CCSER1: variants seen among roughly 807,000 people sequenced by gnomAD.
The protein encoded by CCSER1 is serine-rich coiled-coil domain-containing protein 1.
A neutral mutation model predicts 82.0 loss-of-function variants in CCSER1; 41 were observed. The observed-to-expected ratio is 0.50, with a 90% CI of 0.39 to 0.65. The LOEUF (loss-of-function observed/expected upper bound fraction) is 0.65, where lower values mean the gene tolerates loss of function less well. Ranked by LOEUF, CCSER1 falls within the 30% of genes least tolerant of loss-of-function variation. CCSER1 has a pLI of 0.00. For missense variants in CCSER1, 1,119 were observed against 1,064.2 expected (o/e 1.05, Z -0.72); for synonymous variants, 414 against 383.9 (o/e 1.08, Z -0.92).
At chr4:91,021,923 A>G (rs1490633930) in intron 9 of CCSER1, among the ~76,000 whole-genome samples, 1 of 152,202 alleles carries the variant, frequency 6.6e-6, no homozygotes, top group Non-Finnish European at 1.5e-5. Flanking sequence ...TACAACATAT[A>G]TAGGTATGGT....
chr4:91,325,075 C>T (rs1235182531), intron 10 of CCSER1: 3 of 432,078 alleles, frequency 6.9e-6, no homozygotes, highest in Non-Finnish European at 1.4e-5. Context: ...GCTTGGGGCC[C>T]TAAATAGCTT....
chr4:91,006,967 T>A (rs1046458433), intron 9 of CCSER1, among the ~76,000 whole-genome samples: 6 of 152,292 alleles, frequency 3.9e-5, no homozygotes, highest in African/African-American at 1.4e-4. Context: ...CCCTAATTTG[T>A]TGAGAGTTTT....
intron 10 of CCSER1, among the ~76,000 whole-genome samples, chr4:91,537,400 A>G (rs1175172607): frequency 6.6e-6 from 1 of 152,112 alleles, no homozygotes; most frequent in Non-Finnish European, 1.5e-5. Context: ...GTTGCCTGCT[A>G]TAGATGCCAT....
intron 10 of CCSER1, among the ~76,000 whole-genome samples, chr4:91,316,363 T>C (rs1353217451): frequency 6.6e-6 from 1 of 151,958 alleles, no homozygotes; most frequent in Non-Finnish European, 1.5e-5. Flanking sequence ...TATCAGTCTT[T>C]CTTAGAGGAG....
rs181013550 is a variant in CCSER1, at chr4:90,320,754, T to G, written c.1509+7707T>G. On this transcript the variant is annotated intron_variant, in intron 3 of 10. Transcript: ENST00000509176. ...TCCATTCATTTTTGTCTTTCTGAACTTTGAGATGAGTCATTTTCATTTAGA... is the reference window on the plus strand; with the variant it reads ...TCCATTCATTTTTGTCTTTCTGAACGTTGAGATGAGTCATTTTCATTTAGA... Among the ~76,000 whole-genome samples, 85 of 152,282 alleles carry G rather than the reference T, an allele frequency of 5.6e-4. No individual in the cohort carries two copies. In the East Asian group the frequency reaches 9.6e-3, roughly 17 times the overall value.
At chr4:91,575,970 C>T (rs985524772) in intron 10 of CCSER1, among the ~76,000 whole-genome samples, 1 of 151,812 alleles carries the variant, frequency 6.6e-6, no homozygotes, top group Non-Finnish European at 1.5e-5. Flanking sequence ...AAAAATAAAA[C>T]TACCATATAA....
At chr4:91,304,562 A>G (rs1744903628) in intron 10 of CCSER1, among the ~76,000 whole-genome samples, 2 of 152,022 alleles carry the variant, frequency 1.3e-5, no homozygotes, top group African/African-American at 4.8e-5. Context: ...TTAGTAATCT[A>G]CTTTAATTTG....
At chr4:90,503,462 G>A (rs1770214999) in intron 5 of CCSER1, among the ~76,000 whole-genome samples, 4 of 152,038 alleles carry the variant, frequency 2.6e-5, no homozygotes, top group Admixed American at 1.3e-4. Flanking sequence ...TGCACAACGT[G>A]CAGGTTAGTT....
intron 5 of CCSER1, among the ~76,000 whole-genome samples, chr4:90,505,768 A>G (rs1770596451): frequency 2.6e-5 from 4 of 152,168 alleles, no homozygotes; most frequent in Non-Finnish European, 5.9e-5. Flanking sequence ...TTTGCATATA[A>G]TGAGCAGTGA....
intron 8 of CCSER1, among the ~76,000 whole-genome samples, chr4:90,841,634 C>G (rs1762588140): frequency 6.7e-6 from 1 of 148,484 alleles, no homozygotes; most frequent in Non-Finnish European, 1.5e-5. Flanking sequence ...TTTTCCCTGA[C>G]ATAGTCTGGG....
At chr4:91,023,032 A>G (rs1429391009) in intron 9 of CCSER1, among the ~76,000 whole-genome samples, 2 of 152,096 alleles carry the variant, frequency 1.3e-5, no homozygotes, top group Non-Finnish European at 2.9e-5. Context: ...CCATTTGTCA[A>G]TTTTGGCTTT....
At chr4:90,292,907 T>A (rs1731186033) in intron 1 of CCSER1, among the ~76,000 whole-genome samples, 1 of 151,958 alleles carries the variant, frequency 6.6e-6, no homozygotes, top group African/African-American at 2.4e-5. Flanking sequence ...TGTAGCCACC[T>A]TTTAATTTAC....
chr4:90,993,723 A>G (rs539967307), intron 9 of CCSER1, among the ~76,000 whole-genome samples: 3 of 152,104 alleles, frequency 2.0e-5, no homozygotes, highest in Admixed American at 1.3e-4. Context: ...GAGTCTCCTT[A>G]TAAGAGTGCT....
chr4:91,017,811 TTGTGTGTGTG>T (rs34719158), intron 9 of CCSER1, among the ~76,000 whole-genome samples: 14 of 143,906 alleles, frequency 9.7e-5, no homozygotes, highest in Non-Finnish European at 2.0e-4. Context: ...GGTTTTTAAA[TTGTGTGTGTG>T]TGTGTGTGTG....
chr4:91,417,791 C>T (rs1560655213), intron 10 of CCSER1, among the ~76,000 whole-genome samples: 1 of 151,880 alleles, frequency 6.6e-6, no homozygotes, highest in African/African-American at 2.4e-5. Context: ...CACCGTGACA[C>T]ATGTTTACCT....
At position 91,400,406 on chromosome 4, in the gene CCSER1, TTAAA is replaced by T. The variant is rs946576420; in HGVS notation, c.2218-198161_2218-198158del. On this transcript the variant is annotated intron_variant, in intron 10 of 10. Transcript: ENST00000509176. ...CTTTACATAAGTATCTTTCAAAAAGTTAAATAAAATTATGTAATAGACTTTTAAG... is the reference window on the plus strand; with the variant it reads ...CTTTACATAAGTATCTTTCAAAAAGTTAAAATTATGTAATAGACTTTTAAG... Among the ~76,000 whole-genome samples the T allele has an allele frequency of 4.3e-4, 65 of 151,704 alleles. No individual in the cohort carries two copies. In the Middle Eastern group the frequency reaches 0.017, roughly 40 times the overall value.
intron 10 of CCSER1, among the ~76,000 whole-genome samples, chr4:91,450,611 C>A (rs1479104296): frequency 6.6e-6 from 1 of 151,986 alleles, no homozygotes; most frequent in Non-Finnish European, 1.5e-5. Context: ...AGAGAAGGAA[C>A]CTAAACAGAG....
chr4:91,290,513 T>G (rs1402882365), intron 10 of CCSER1, among the ~76,000 whole-genome samples: 1 of 151,922 alleles, frequency 6.6e-6, no homozygotes, highest in African/African-American at 2.4e-5. Context: ...ATATTAAAAG[T>G]TAATGATGAA....
chr4:90,160,748 A>G lies in CCSER1; in HGVS notation c.-42+32917A>G, dbSNP rs541993081. 2.4e-3 allele frequency among the ~76,000 whole-genome samples: 359 copies of G among 152,320 alleles called. 1 individual carries two copies. The highest frequency in any genetic ancestry group is 4.1e-3 in the Non-Finnish European group (279 of 68,028). The stretch of plus-strand genomic sequence containing the variant: ...CTGATATTGGAAGCTATGGGAAACA[A>G]TAGAATGTAGACCTCTAGAGGAAGA... On this transcript the variant is annotated intron_variant, in intron 1 of 10. Coordinates refer to ENST00000509176, the MANE Select transcript of CCSER1 (RefSeq NM_001145065.2).
Sources: gnomAD v4.1 joint callset for allele counts (sites outside exome capture counted in the v4.1 genomes callset) on GRCh38, gnomAD v4.1.1 for gene constraint, MANE v1.5 for transcripts, NCBI Gene and HGNC (gene_info 2026-07-23, HGNC 2026-07-21) for gene names.